NKAIN3: variants seen among roughly 807,000 people sequenced by gnomAD.
NKAIN3 encodes the protein sodium/potassium transporting ATPase interacting 3.
In NKAIN3, 25 loss-of-function variants were observed where a neutral mutation model predicts 30.2. The observed-to-expected ratio is 0.83, with a 90% CI of 0.60 to 1.16. The LOEUF (loss-of-function observed/expected upper bound fraction) is 1.16. Ranked by LOEUF, NKAIN3 falls within the 50% of genes most tolerant of loss-of-function variation. NKAIN3 has a pLI of 0.00. For missense variants in NKAIN3, 225 were observed against 254.1 expected (o/e 0.89, Z 0.78); for synonymous variants, 91 against 89.6 (o/e 1.02, Z -0.09).
intron 5 of NKAIN3, among the ~76,000 whole-genome samples, chr8:62,928,219 A>G (rs1172069036): frequency 6.6e-6 from 1 of 152,224 alleles, no homozygotes; most frequent in Non-Finnish European, 1.5e-5. Context: ...TAAATTGTAT[A>G]AGACACAAAG....
At chr8:62,821,870 G>C (rs1458915979) in intron 4 of NKAIN3, among the ~76,000 whole-genome samples, 1 of 151,290 alleles carries the variant, frequency 6.6e-6, no homozygotes, top group African/African-American at 2.4e-5. Context: ...GGAAAATAAT[G>C]AATTTTTATT....
At chr8:62,469,666 A>G (rs771138872) in intron 1 of NKAIN3, among the ~76,000 whole-genome samples, 2 of 152,172 alleles carry the variant, frequency 1.3e-5, no homozygotes, top group Non-Finnish European at 2.9e-5. Context: ...TATGTAACTC[A>G]CAAGGCAGGC....
At chr8:62,943,981 T>A (rs1257573073) in intron 5 of NKAIN3, among the ~76,000 whole-genome samples, 2 of 151,778 alleles carry the variant, frequency 1.3e-5, no homozygotes, top group African/African-American at 4.8e-5. Context: ...GGCATAAGAA[T>A]GACATAATGG....
chr8:62,485,313 C>T (rs1207046789), intron 1 of NKAIN3, among the ~76,000 whole-genome samples: 1 of 152,070 alleles, frequency 6.6e-6, no homozygotes, highest in Non-Finnish European at 1.5e-5. Flanking sequence ...GCTACGTGGT[C>T]TCTGTATATG....
chr8:62,323,212 C>T (rs1814999668), intron 1 of NKAIN3, among the ~76,000 whole-genome samples: 1 of 152,136 alleles, frequency 6.6e-6, no homozygotes, highest in Admixed American at 6.5e-5. Context: ...CTTATAGTCA[C>T]ACAATAACCT....
chr8:62,451,153 C>T (rs1349617714), intron 1 of NKAIN3, among the ~76,000 whole-genome samples: 1 of 152,094 alleles, frequency 6.6e-6, no homozygotes, highest in South Asian at 2.1e-4. Context: ...AATTTTAAAG[C>T]AGTATATTCT....
chr8:62,848,439 T>C (rs1368571982), intron 4 of NKAIN3, among the ~76,000 whole-genome samples: 7 of 152,192 alleles, frequency 4.6e-5, no homozygotes, highest in Non-Finnish European at 8.8e-5. Flanking sequence ...CAATTGTGAA[T>C]GGGAGTTCAT....
intron 3 of NKAIN3, among the ~76,000 whole-genome samples, chr8:62,711,207 A>G (rs888648014): frequency 3.9e-5 from 6 of 152,114 alleles, no homozygotes; most frequent in Admixed American, 3.9e-4. Context: ...CCTGATGACA[A>G]TGTGCTAGGC....
At chr8:62,438,135 C>T (rs530711207) in intron 1 of NKAIN3, among the ~76,000 whole-genome samples, 67 of 152,314 alleles carry the variant, frequency 4.4e-4, no homozygotes, top group Non-Finnish European at 6.0e-4. Context: ...GAAGGGGCTG[C>T]GCCTGGCTCC....
At chr8:62,422,564 G>T (rs537324667) in intron 1 of NKAIN3, among the ~76,000 whole-genome samples, 2 of 152,156 alleles carry the variant, frequency 1.3e-5, no homozygotes, top group East Asian at 3.9e-4. Context: ...CAGATAAATA[G>T]CACTTGTCCC....
intron 1 of NKAIN3, among the ~76,000 whole-genome samples, chr8:62,384,885 A>G (rs1248769343): frequency 1.3e-5 from 2 of 152,182 alleles, no homozygotes; most frequent in Non-Finnish European, 2.9e-5. Flanking sequence ...GTATAAATCA[A>G]AGATGTATAA....
chr8:62,300,272 C>A (rs557130453), intron 1 of NKAIN3, among the ~76,000 whole-genome samples: 1 of 151,834 alleles, frequency 6.6e-6, no homozygotes, highest in Non-Finnish European at 1.5e-5. Flanking sequence ...TTTAATTCAA[C>A]GTAGGAAAGA....
intron 4 of NKAIN3, among the ~76,000 whole-genome samples, chr8:62,825,576 A>G (rs556573652): frequency 6.6e-6 from 1 of 152,200 alleles, no homozygotes; most frequent in South Asian, 2.1e-4. Flanking sequence ...CTATATTTAA[A>G]CCAGCCAAAC....
chr8:62,780,272 T>C (rs1600540), intron 4 of NKAIN3, among the ~76,000 whole-genome samples: 134,644 of 152,116 alleles, frequency 0.89, 59,722 homozygotes, highest in African/African-American at 0.91. Flanking sequence ...AGTTAAATAG[T>C]GAGTAATGAG....
chr8:62,831,941 G>C (rs1819209982), intron 4 of NKAIN3, among the ~76,000 whole-genome samples: 1 of 151,920 alleles, frequency 6.6e-6, no homozygotes, highest in Admixed American at 6.6e-5. Context: ...CAACGATAAA[G>C]AACAATCTTA....
intron 4 of NKAIN3, among the ~76,000 whole-genome samples, chr8:62,826,878 G>A (rs898141929): frequency 6.6e-6 from 1 of 152,122 alleles, no homozygotes; most frequent in African/African-American, 2.4e-5. Context: ...TCAAATCTGG[G>A]ATCCTTTACT....
intron 3 of NKAIN3, among the ~76,000 whole-genome samples, chr8:62,703,602 T>C (rs1814417239): frequency 1.3e-5 from 2 of 152,250 alleles, no homozygotes; most frequent in Admixed American, 1.3e-4. Context: ...TGTTAAGCTA[T>C]GTGCCCAGCT....
intron 5 of NKAIN3, among the ~76,000 whole-genome samples, chr8:62,995,319 C>G (rs1410201142): frequency 6.6e-6 from 1 of 152,184 alleles, no homozygotes. Flanking sequence ...GTCCTCTGTA[C>G]TTTACAAGAG....
intron 3 of NKAIN3, among the ~76,000 whole-genome samples, chr8:62,638,281 G>GA (rs931895245): frequency 3.4e-4 from 51 of 151,892 alleles, no homozygotes; most frequent in Admixed American, 3.0e-3. Flanking sequence ...TTGTCATTTT[G>GA]AAAAAAACAC....
Sources: gnomAD v4.1 joint callset for allele counts (sites outside exome capture counted in the v4.1 genomes callset) on GRCh38, gnomAD v4.1.1 for gene constraint, MANE v1.5 for transcripts, NCBI Gene and HGNC (gene_info 2026-07-23, HGNC 2026-07-21) for gene names.